Variants in SSBP3 observed in about 807,000 individuals in gnomAD.
SSBP3 encodes single-stranded DNA-binding protein 3.
In SSBP3, 5 loss-of-function variants were observed where a neutral mutation model predicts 69.6. The ratio of observed to expected loss-of-function variants is 0.07; its 90% CI spans 0.04 to 0.15. The LOEUF (loss-of-function observed/expected upper bound fraction) is 0.15. Ranked by LOEUF, SSBP3 falls within the 10% of genes least tolerant of loss-of-function variation. The probability of loss-of-function intolerance (pLI) is 1.00; values close to 1 mark genes in which losing one functional copy is unlikely to be tolerated. For synonymous variants in SSBP3, 196 were observed against 193.4 expected (o/e 1.01, Z -0.11); for missense variants, 312 against 534.0 (o/e 0.58, Z 4.10).
intron 4 of SSBP3, among the ~76,000 whole-genome samples, chr1:54,290,503 G>A (rs1251393160): frequency 6.6e-6 from 1 of 152,222 alleles, no homozygotes; most frequent in East Asian, 1.9e-4. Flanking sequence ...CTGAGAAGGG[G>A]CCTCTCTCTT....
chr1:54,294,156 AAAAAAAG>A (rs1645658697), intron 4 of SSBP3, among the ~76,000 whole-genome samples: 6 of 104,276 alleles, frequency 5.8e-5, no homozygotes, highest in Admixed American at 1.1e-4. Flanking sequence ...AAAAAAAAAA[AAAAAAAG>A]AAAGAAAGAA....
At chr1:54,290,864 A>G (rs536520431) in intron 4 of SSBP3, among the ~76,000 whole-genome samples, 1 of 152,328 alleles carries the variant, frequency 6.6e-6, no homozygotes, top group Admixed American at 6.5e-5. Flanking sequence ...GTATTTGTAC[A>G]ACGTTGATTT....
chr1:54,301,226 G>C (rs542998618), intron 4 of SSBP3, among the ~76,000 whole-genome samples: 1 of 152,146 alleles, frequency 6.6e-6, no homozygotes, highest in South Asian at 2.1e-4. Flanking sequence ...ACAGTTTTCC[G>C]CAACAGAAGC....
chr1:54,338,216 C>G (rs760170049), intron 4 of SSBP3, among the ~76,000 whole-genome samples: 1 of 152,228 alleles, frequency 6.6e-6, no homozygotes, highest in Non-Finnish European at 1.5e-5. Context: ...GGTGCCCCTA[C>G]TGCAATGGGG....
At chr1:54,289,988 CCA>C (rs1645575285) in intron 4 of SSBP3, among the ~76,000 whole-genome samples, 5 of 152,284 alleles carry the variant, frequency 3.3e-5, no homozygotes, top group East Asian at 3.9e-4. Context: ...TTCCAACAAT[CCA>C]CAGTCACTAC....
intron 9 of SSBP3, among the ~76,000 whole-genome samples, chr1:54,250,565 C>G (rs1368275338): frequency 6.6e-6 from 1 of 152,044 alleles, no homozygotes; most frequent in Non-Finnish European, 1.5e-5. Flanking sequence ...ACTCCACCCT[C>G]AGGGGACCCA....
intron 5 of SSBP3, among the ~76,000 whole-genome samples, chr1:54,272,120 G>A (rs1434401857): frequency 6.6e-6 from 1 of 152,208 alleles, no homozygotes; most frequent in African/African-American, 2.4e-5. Context: ...GGTGGGCCTG[G>A]CCTAGGAGCT....
At chr1:54,266,150 C>G (rs971534840) in intron 5 of SSBP3, among the ~76,000 whole-genome samples, 1 of 152,240 alleles carries the variant, frequency 6.6e-6, no homozygotes, top group African/African-American at 2.4e-5. Flanking sequence ...TGCCATGATA[C>G]AGATGGGAAG....
intron 4 of SSBP3, among the ~76,000 whole-genome samples, chr1:54,375,287 G>A (rs555383366): frequency 6.2e-4 from 94 of 152,214 alleles, no homozygotes; most frequent in Non-Finnish European, 1.1e-3. Context: ...ACACGTGGAT[G>A]ACAAACCACC....
rs912401441 is a variant in SSBP3 at position 54,262,891 on chromosome 1, A to C, written c.367-4742T>G. Among the ~76,000 whole-genome samples the C allele has an allele frequency of 2.0e-5, 3 of 152,278 alleles. No homozygotes were observed. The South Asian group carries it at 6.2e-4, about 32-fold the overall frequency. On this transcript the variant is annotated intron_variant, in intron 5 of 17. Transcript: ENST00000610401. ...AATCTGGGAAAAGGAGGCAGGAAACACGCCCACTTCCTGTCCAGCCTTCCA... is the reference window on the plus strand; with the variant it reads ...AATCTGGGAAAAGGAGGCAGGAAACCCGCCCACTTCCTGTCCAGCCTTCCA...
chr1:54,357,186 G>T (rs1005159372), intron 4 of SSBP3, among the ~76,000 whole-genome samples: 1 of 152,178 alleles, frequency 6.6e-6, no homozygotes, highest in East Asian at 1.9e-4. Context: ...AAAGGAAAAA[G>T]GCAGTGCGAG....
rs1423977080 is a variant in SSBP3 at position 54,390,156 on chromosome 1, G to C, written c.276+11705C>G. ...CCTGTCCCCTACATTGTCCAACAGG[G>C]AGATACCTAAGAATGCCTTTTAAGG... is the stretch of plus-strand genomic sequence containing the variant. On this transcript the variant is annotated intron_variant, in intron 4 of 17. Coordinates refer to ENST00000610401, the Ensembl canonical transcript of SSBP3. 2.0e-5 allele frequency among the ~76,000 whole-genome samples: 3 copies of C among 152,254 alleles called. No individual in the cohort carries two copies. In the East Asian group the frequency reaches 5.8e-4, roughly 29 times the overall value.
intron 9 of SSBP3, among the ~76,000 whole-genome samples, chr1:54,245,100 C>CT (rs1220030646): frequency 7.9e-5 from 12 of 152,234 alleles, no homozygotes; most frequent in African/African-American, 2.9e-4. Flanking sequence ...CAAAGGGAGC[C>CT]TGGCTGCAGC....
chr1:54,383,364 C>A (rs1320425501), intron 4 of SSBP3, among the ~76,000 whole-genome samples: 2 of 149,718 alleles, frequency 1.3e-5, no homozygotes, highest in Non-Finnish European at 3.0e-5. Context: ...GGTGACAGAG[C>A]GAGACTCCGT....
At chr1:54,228,223 G>A in intron 17 of SSBP3, 32 bp downstream of exon 17, 2 of 1,596,606 alleles carry the variant, frequency 1.3e-6, no homozygotes, top group South Asian at 2.2e-5. Flanking sequence ...AGGCCGTGGG[G>A]ACGAGAGCAA....
chr1:54,281,427 C>A lies in SSBP3; in HGVS notation c.366+11G>T. The A allele has an allele frequency of 4.5e-6, 7 of 1,552,110 alleles. No homozygotes were observed. Among genetic ancestry groups the A allele is most frequent in the Non-Finnish European group, 6.1e-6 (7 of 1,147,512 alleles). On this transcript the variant is annotated intron_variant, in intron 5 of 17. Transcript: ENST00000610401. Reference sequence around the variant, plus strand: ...AAGGTGGAGCACAAGACCCACGGGCCCCGCACGTACCTGAAAGAAACCTGG... The same window carrying A: ...AAGGTGGAGCACAAGACCCACGGGCACCGCACGTACCTGAAAGAAACCTGG...
intron 5 of SSBP3, among the ~76,000 whole-genome samples, chr1:54,277,458 A>T (rs1269614525): frequency 2.0e-5 from 3 of 151,992 alleles, no homozygotes; most frequent in African/African-American, 7.3e-5. Flanking sequence ...TGGACTTTGG[A>T]GTGTTTGTGG....
At chr1:54,235,502 C>G (rs1442576788) in intron 14 of SSBP3, among the ~76,000 whole-genome samples, 1 of 134,960 alleles carries the variant, frequency 7.4e-6, no homozygotes, top group African/African-American at 2.9e-5. Flanking sequence ...GTCACCCAGG[C>G]TGGAGCGCAG....
chr1:54,406,731 A>G (rs1378492889), upstream of SSBP3, among the ~76,000 whole-genome samples: 1 of 151,478 alleles, frequency 6.6e-6, no homozygotes, highest in Non-Finnish European at 1.5e-5. Flanking sequence ...GGCGTGGACC[A>G]CTGGGGGGCT....
Sources: allele counts gnomAD v4.1 joint callset (sites outside exome capture counted in the v4.1 genomes callset), GRCh38; gene constraint gnomAD v4.1.1; transcripts MANE v1.5; gene names NCBI Gene and HGNC (gene_info 2026-07-23, HGNC 2026-07-21).